The following NRG1 variants were observed in gnomAD, a reference collection of about 807,000 sequenced individuals.
NRG1 encodes the protein neuregulin 1, also known as pro-neuregulin-1, membrane-bound isoform.
A neutral mutation model predicts 63.8 loss-of-function variants in NRG1; 18 were observed. The observed-to-expected ratio is 0.28, with a 90% CI of 0.19 to 0.42. NRG1 has a LOEUF of 0.42. Among genes scored for constraint, NRG1 ranks in the 10% least tolerant of loss-of-function variants. NRG1 has a pLI of 1.00. For missense variants in NRG1, 762 were observed against 814.7 expected (o/e 0.94, Z 0.79); for synonymous variants, 302 against 301.3 (o/e 1.00, Z -0.02).
intron 1 of NRG1, among the ~76,000 whole-genome samples, chr8:31,675,451 C>G (rs1469106939): frequency 6.6e-6 from 1 of 152,156 alleles, no homozygotes; most frequent in Non-Finnish European, 1.5e-5. Flanking sequence ...ATACTTCTGC[C>G]CAGTCCACTT....
chr8:32,489,099 G>T (rs1015020808), intron 1 of NRG1, among the ~76,000 whole-genome samples: 8 of 152,144 alleles, frequency 5.3e-5, no homozygotes, highest in Non-Finnish European at 1.0e-4. Context: ...TGACTTGGGG[G>T]TGTATATGCT....
intron 1 of NRG1, among the ~76,000 whole-genome samples, chr8:32,233,564 T>TATATATATATATATA (rs1554660618): frequency 9.2e-4 from 25 of 27,146 alleles, no homozygotes; most frequent in African/African-American, 2.5e-3. Context: ...TATATATATA[T>TATATATATATATATA]TTTTTTTTTT....
intron 1 of NRG1, among the ~76,000 whole-genome samples, chr8:32,323,149 T>G (rs939394839): frequency 6.6e-6 from 1 of 152,160 alleles, no homozygotes; most frequent in African/African-American, 2.4e-5. Context: ...CTGATTCCTA[T>G]GTAAAGAAGA....
At chr8:31,924,059 A>C (rs1834133973) in intron 1 of NRG1, among the ~76,000 whole-genome samples, 1 of 152,126 alleles carries the variant, frequency 6.6e-6, no homozygotes, top group African/African-American at 2.4e-5. Context: ...TTTTTCAAAA[A>C]ATTTCCTTAT....
chr8:32,175,542 G>C (rs1840620959), intron 1 of NRG1, among the ~76,000 whole-genome samples: 1 of 152,144 alleles, frequency 6.6e-6, no homozygotes, highest in Non-Finnish European at 1.5e-5. Context: ...AAGTCAAATT[G>C]TCCCTGTTTG....
At chr8:32,750,532 CCCCATCCAGCTG>C (rs1828488941) in intron 7 of NRG1, among the ~76,000 whole-genome samples, 1 of 151,984 alleles carries the variant, frequency 6.6e-6, no homozygotes. Flanking sequence ...AATATCTGGT[CCCCATCCAGCTG>C]GCTTCAGGGA....
chr8:32,391,922 A>G lies in NRG1; in HGVS notation c.38-203906A>G, dbSNP rs998262119. On this transcript the variant is annotated intron_variant, in intron 1 of 10. Coordinates refer to the NRG1 transcript ENST00000519301. ...GTCAACTTAAAATAGTTATTTAAAA[A>G]TGTGAACAGAATTTGTGGATGTTGA... is the stretch of plus-strand genomic sequence containing the variant. Among the ~76,000 whole-genome samples the G allele has an allele frequency of 2.0e-5, 3 of 152,232 alleles. No homozygotes were observed. In the East Asian group the frequency reaches 5.8e-4, roughly 29 times the overall value.
chr8:32,576,888 C>T (rs1839744881), intron 1 of NRG1, among the ~76,000 whole-genome samples: 1 of 151,976 alleles, frequency 6.6e-6, no homozygotes, highest in Admixed American at 6.6e-5. Context: ...TTGCGTGGTG[C>T]TGAGGTTTAG....
intron 1 of NRG1, among the ~76,000 whole-genome samples, chr8:31,875,883 AG>A (rs1157514793): frequency 2.0e-5 from 3 of 152,172 alleles, no homozygotes; most frequent in African/African-American, 7.2e-5. Context: ...TCAGAAAAAA[AG>A]TTGCTGTGTT....
rs571381353 is a variant in NRG1 at position 32,306,820 on chromosome 8, A to C, written c.38-289008A>C. 2.2e-4 allele frequency among the ~76,000 whole-genome samples: 34 copies of C among 152,326 alleles called. No individual in the cohort carries two copies. In the South Asian group the frequency reaches 6.8e-3, roughly 31 times the overall value. The stretch of plus-strand genomic sequence containing the variant: ...AATTAATCGATTGATTGAAAATGCT[A>C]CAAAAGAGGAGCCATTCATCAAAGA... On this transcript the variant is annotated intron_variant, in intron 1 of 10. Transcript: ENST00000519301.
intron 5 of NRG1, among the ~76,000 whole-genome samples, chr8:32,697,957 C>A (rs755789819): frequency 6.6e-6 from 1 of 152,120 alleles, no homozygotes; most frequent in Non-Finnish European, 1.5e-5. Context: ...CCTGTAATCC[C>A]AGCACTTTGG....
Position 32,036,672 on chromosome 8 carries a change from G to A in NRG1, c.37+397241G>A, listed in dbSNP as rs887327888. Among the ~76,000 whole-genome samples, 9 of 151,802 alleles carry A rather than the reference G, an allele frequency of 5.9e-5. No homozygotes were observed. The East Asian group carries it at 1.2e-3, about 20-fold the overall frequency. On this transcript the variant is annotated intron_variant, in intron 1 of 10. Coordinates refer to the NRG1 transcript ENST00000519301. ...TAATCTTGGCTGCCTGCTTTATTTCGGCAAGATAGTCTTCAAGCTCTGATA... is the reference window on the plus strand; with the variant it reads ...TAATCTTGGCTGCCTGCTTTATTTCAGCAAGATAGTCTTCAAGCTCTGATA...
intron 1 of NRG1, among the ~76,000 whole-genome samples, chr8:32,113,580 A>G (rs931818619): frequency 1.3e-5 from 2 of 152,168 alleles, no homozygotes; most frequent in African/African-American, 4.8e-5. Context: ...AGCCTCTTTA[A>G]CTAGTTCCCC....
At chr8:31,965,974 A>G (rs327411) in intron 1 of NRG1, among the ~76,000 whole-genome samples, 129,125 of 152,110 alleles carry the variant, frequency 0.85, 55,689 homozygotes, top group African/African-American at 0.96. Flanking sequence ...AAATGGGGAG[A>G]GAGAGAAAGC....
intron 1 of NRG1, among the ~76,000 whole-genome samples, chr8:32,195,289 A>T (rs1375966249): frequency 6.6e-6 from 1 of 152,032 alleles, no homozygotes; most frequent in African/African-American, 2.4e-5. Flanking sequence ...TATTAAAAAA[A>T]TTTAGCTTGT....
intron 1 of NRG1, among the ~76,000 whole-genome samples, chr8:31,868,122 A>AACAC (rs57466959): frequency 7.5e-6 from 1 of 133,128 alleles, no homozygotes; most frequent in African/African-American, 2.9e-5. Flanking sequence ...TACCATCCCA[A>AACAC]ACACACACAC....
intron 1 of NRG1, among the ~76,000 whole-genome samples, chr8:32,524,868 C>T (rs1324182321): frequency 6.6e-6 from 1 of 152,170 alleles, no homozygotes; most frequent in African/African-American, 2.4e-5. Context: ...AACCGCTCAT[C>T]ACATGAATAG....
intron 1 of NRG1, among the ~76,000 whole-genome samples, chr8:32,349,939 G>A (rs986383358): frequency 2.0e-5 from 3 of 152,138 alleles, no homozygotes; most frequent in African/African-American, 4.8e-5. Flanking sequence ...TGGATGTGAC[G>A]GGCAGGTCAC....
chr8:31,753,766 G>C lies in NRG1; in HGVS notation c.37+114335G>C, dbSNP rs142641564. Among the ~76,000 whole-genome samples the C allele has an allele frequency of 3.6e-3, 540 of 151,944 alleles. 4 individuals are homozygous for C. The highest frequency in any genetic ancestry group is 0.013 in the African/African-American group (520 of 41,444). Reference sequence around the variant, plus strand: ...TTTTTTAAGTTTACTTGCTCTTCTTGCCTCCCTGACTCAATTTCATCCCTA... The same window carrying C: ...TTTTTTAAGTTTACTTGCTCTTCTTCCCTCCCTGACTCAATTTCATCCCTA... On this transcript the variant is annotated intron_variant, in intron 1 of 10. Transcript: ENST00000519301.
Sources: gnomAD v4.1 joint callset for allele counts (sites outside exome capture counted in the v4.1 genomes callset) on GRCh38, gnomAD v4.1.1 for gene constraint, MANE v1.5 for transcripts, NCBI Gene and HGNC (gene_info 2026-07-23, HGNC 2026-07-21) for gene names.